SUCLG2: variants seen among roughly 807,000 people sequenced by gnomAD.
SUCLG2 encodes succinate--CoA ligase [GDP-forming] subunit beta, mitochondrial.
In SUCLG2, 42 loss-of-function variants were observed where a neutral mutation model predicts 47.9. The observed-to-expected ratio is 0.88, with a 90% CI of 0.69 to 1.14. SUCLG2 has a LOEUF of 1.14. Among genes scored for constraint, SUCLG2 ranks in the 50% most tolerant of loss-of-function variants. The pLI is 0.00. For missense variants in SUCLG2, 571 were observed against 525.9 expected (o/e 1.09, Z -0.84); for synonymous variants, 195 against 197.3 (o/e 0.99, Z 0.10).
At chr3:67,556,980 G>C (rs557183973) in intron 2 of SUCLG2, among the ~76,000 whole-genome samples, 3 of 152,318 alleles carry the variant, frequency 2.0e-5, no homozygotes, top group African/African-American at 7.2e-5. Flanking sequence ...ACAGAAATGA[G>C]AGCAGGTTTC....
At chr3:67,366,906 T>A (rs1438103461) in intron 10 of SUCLG2, among the ~76,000 whole-genome samples, 1 of 152,162 alleles carries the variant, frequency 6.6e-6, no homozygotes, top group African/African-American at 2.4e-5. Context: ...AACACCTCAA[T>A]ATAGATCAAC....
At chr3:67,439,014 T>C (rs928142046) in intron 9 of SUCLG2, among the ~76,000 whole-genome samples, 2 of 152,052 alleles carry the variant, frequency 1.3e-5, no homozygotes, top group African/African-American at 4.8e-5. Context: ...CCAAATCCAG[T>C]AGCACATCAA....
chr3:67,377,780 A>T (rs1231334605), intron 10 of SUCLG2, among the ~76,000 whole-genome samples: 1 of 152,128 alleles, frequency 6.6e-6, no homozygotes, highest in African/African-American at 2.4e-5. Flanking sequence ...CAGCCTCCCA[A>T]GTAGCTGAGA....
At chr3:67,632,263 G>T (rs1700940885) in intron 1 of SUCLG2, among the ~76,000 whole-genome samples, 1 of 152,052 alleles carries the variant, frequency 6.6e-6, no homozygotes, top group South Asian at 2.1e-4. Context: ...GCTCACTGTA[G>T]CCTCCCCTTC....
At chr3:67,487,014 C>A (rs1705071756) in intron 9 of SUCLG2, among the ~76,000 whole-genome samples, 1 of 152,116 alleles carries the variant, frequency 6.6e-6, no homozygotes, top group South Asian at 2.1e-4. Flanking sequence ...TAATGATCAA[C>A]TATACCAAGA....
chr3:67,521,894 C>T (rs1706119316), intron 4 of SUCLG2, among the ~76,000 whole-genome samples: 1 of 152,018 alleles, frequency 6.6e-6, no homozygotes, highest in South Asian at 2.1e-4. Context: ...GCTGGGATTA[C>T]AGAGGTAAGC....
At chr3:67,390,770 C>A (rs933886715) in intron 10 of SUCLG2, among the ~76,000 whole-genome samples, 8 of 152,016 alleles carry the variant, frequency 5.3e-5, no homozygotes, top group African/African-American at 1.9e-4. Flanking sequence ...CAGCTCTATA[C>A]AGTCAGTGTA....
chr3:67,643,550 G>A (rs951504262), intron 1 of SUCLG2, among the ~76,000 whole-genome samples: 4 of 152,120 alleles, frequency 2.6e-5, no homozygotes, highest in African/African-American at 9.7e-5. Context: ...ATTCAGTGCT[G>A]GAATGGGTAT....
intron 3 of SUCLG2, 126 bp from the exon 4 acceptor site, chr3:67,528,348 T>A (rs541547333): frequency 3.8e-5 from 31 of 810,408 alleles, no homozygotes; most frequent in African/African-American, 6.9e-5. Flanking sequence ...AATCCATGAG[T>A]CTTTCTGCTT....
chr3:67,505,302 C>T (rs1450126609), intron 7 of SUCLG2, among the ~76,000 whole-genome samples: 1 of 152,202 alleles, frequency 6.6e-6, no homozygotes, highest in Non-Finnish European at 1.5e-5. Context: ...TAAGCCAGTC[C>T]ACACCTTAGA....
At chr3:67,455,971 TG>T in intron 9 of SUCLG2, among the ~76,000 whole-genome samples, 1 of 152,202 alleles carries the variant, frequency 6.6e-6, no homozygotes. Context: ...ATTCTACCAC[TG>T]GAAGTAGTAA....
At chr3:67,585,993 C>CAAAAAA (rs1575797477) in intron 2 of SUCLG2, among the ~76,000 whole-genome samples, 1 of 20,738 alleles carries the variant, frequency 4.8e-5, no homozygotes, top group African/African-American at 1.4e-4. Context: ...AAAAAAAAAC[C>CAAAAAA]AAACCCACAA....
intron 2 of SUCLG2, among the ~76,000 whole-genome samples, chr3:67,547,576 A>G (rs192803460): frequency 6.6e-6 from 1 of 152,304 alleles, no homozygotes; most frequent in East Asian, 1.9e-4. Flanking sequence ...GTCTGTCATA[A>G]TGCATAAACA....
chr3:67,513,665 G>C (rs575942652), intron 6 of SUCLG2, among the ~76,000 whole-genome samples: 4 of 152,324 alleles, frequency 2.6e-5, no homozygotes, highest in Non-Finnish European at 5.9e-5. Flanking sequence ...ACAGGTCAAA[G>C]AAAACATTCT....
In SUCLG2 at chr3:67,453,223, CT is replaced by C. The variant is rs5849757; in HGVS notation, c.1062+42574del. On this transcript the variant is annotated intron_variant, in intron 9 of 10. Transcript: ENST00000307227. ...AAATTACCTCAGTACATTCAGACTT[CT>C]TTTTTTTTTATGAGTATTTTCTTTT... Among the ~76,000 whole-genome samples, 494 of 150,018 alleles carry C rather than the reference CT, an allele frequency of 3.3e-3. 3 individuals are homozygous for C. The highest frequency in any genetic ancestry group is 9.9e-3 in the African/African-American group (405 of 40,908).
intron 5 of SUCLG2, 127 bp from the exon 6 acceptor site, chr3:67,518,463 C>T: frequency 1.2e-6 from 1 of 809,912 alleles, no homozygotes; most frequent in East Asian, 2.8e-5. Context: ...CCAGAGATCT[C>T]TGAGCAGGGC....
Position 67,375,856 on chromosome 3 carries a change from G to C in SUCLG2, c.1187C>G (p.Thr396Ser). 6.2e-7 allele frequency: 1 copy of C among 1,613,146 alleles called. No homozygotes were observed. Among genetic ancestry groups the C allele is most frequent in the Non-Finnish European group, 8.5e-7 (1 of 1,179,612 alleles). Residue 396 changes from threonine to serine, a missense_variant, in exon 11 of 11, where the codon ACC (threonine) becomes AGC (serine). Transcript: ENST00000307227. ...KVPLVVRLEG[T>S]NVQEAQKILN... ...TATCTTCTGGGCCTCTTGGACGTTG[G>C]TTCCTAGAAGGGGGACAGGGAACAA...
intron 6 of SUCLG2, among the ~76,000 whole-genome samples, chr3:67,510,332 G>C (rs1449877041): frequency 6.6e-6 from 1 of 152,106 alleles, no homozygotes; most frequent in South Asian, 2.1e-4. Flanking sequence ...CCAAATTTGA[G>C]GGCTAGTAGA....
At chr3:67,618,494 A>G (rs1700671346) in intron 1 of SUCLG2, among the ~76,000 whole-genome samples, 1 of 152,220 alleles carries the variant, frequency 6.6e-6, no homozygotes, top group Admixed American at 6.5e-5. Flanking sequence ...CCCATCTCAC[A>G]GAAGAAGTCT....
Sources: gnomAD v4.1 joint callset for allele counts (sites outside exome capture counted in the v4.1 genomes callset) on GRCh38, gnomAD v4.1.1 for gene constraint, MANE v1.5 for transcripts, NCBI Gene and HGNC (gene_info 2026-07-23, HGNC 2026-07-21) for gene names.